The following RIMS3 variants were observed in gnomAD, a reference collection of about 807,000 sequenced individuals.
The protein encoded by RIMS3 is regulating synaptic membrane exocytosis protein 3.
RIMS3 carries 15 observed loss-of-function variants against 29.2 expected under a neutral mutation model. The observed-to-expected ratio is 0.51, with a 90% confidence interval of 0.34 to 0.79. The LOEUF is 0.79. Among genes scored for constraint, RIMS3 ranks in the 30% least tolerant of loss-of-function variants. The probability of loss-of-function intolerance (pLI) is 0.01; values close to 1 mark genes in which losing one functional copy is unlikely to be tolerated. For synonymous variants in RIMS3, 161 were observed against 170.1 expected (o/e 0.95, Z 0.41); for missense variants, 342 against 421.4 (o/e 0.81, Z 1.65).
chr1:40,667,058 G>C (rs1447105095), upstream of RIMS3, among the ~76,000 whole-genome samples: 2 of 152,006 alleles, frequency 1.3e-5, no homozygotes, highest in Non-Finnish European at 2.9e-5. Flanking sequence ...AAGGTGGGGA[G>C]AAAAAGGAAA....
upstream of RIMS3, among the ~76,000 whole-genome samples, chr1:40,668,501 G>A (rs1324356399): frequency 7.4e-6 from 1 of 135,178 alleles, no homozygotes; most frequent in Non-Finnish European, 1.6e-5. Context: ...CGGGGGGGGG[G>A]GGGTTGGTGG....
At position 40,652,520 on chromosome 1, in the gene RIMS3, G is replaced by A. The variant is rs530424440; in HGVS notation, c.-206-4678C>T. On this transcript the variant is annotated intron_variant, in intron 1 of 7. Transcript: ENST00000372684. The stretch of plus-strand genomic sequence containing the variant: ...TAGTTGCACCTCAAAAGATAGGTGA[G>A]GTTTTGGAGAGGAGAGGCAGAGGTG... Among the ~76,000 whole-genome samples, 91 of 152,328 alleles carry A rather than the reference G, an allele frequency of 6.0e-4. 1 individual carries two copies. The South Asian group carries it at 0.01, about 17-fold the overall frequency.
chr1:40,640,066 TC>T (rs1646545636), intron 3 of RIMS3, among the ~76,000 whole-genome samples: 1 of 152,072 alleles, frequency 6.6e-6, no homozygotes, highest in African/African-American at 2.4e-5. Flanking sequence ...TGGAAGACTG[TC>T]CCCCCAAATC....
chr1:40,637,179 G>T (rs1557670431), intron 3 of RIMS3, among the ~76,000 whole-genome samples: 1 of 152,228 alleles, frequency 6.6e-6, no homozygotes, highest in Non-Finnish European at 1.5e-5. Flanking sequence ...GGAGCAGGGA[G>T]CTGGTTACCT....
the RIMS3 span, chr1:40,691,399 G>A: frequency 4.8e-6 from 1 of 209,494 alleles, no homozygotes; most frequent in Non-Finnish European, 1.0e-5. Context: ...AAAACTCAAG[G>A]GCACGCGCAC....
chr1:40,677,731 A>G, the RIMS3 span, among the ~76,000 whole-genome samples: 1 of 152,052 alleles, frequency 6.6e-6, no homozygotes, highest in Non-Finnish European at 1.5e-5. Context: ...ATTAATTAAA[A>G]AAAAAGGATC....
intron 1 of RIMS3, among the ~76,000 whole-genome samples, chr1:40,660,576 C>T (rs565801938): frequency 2.6e-5 from 4 of 151,906 alleles, no homozygotes; most frequent in South Asian, 4.2e-4. Flanking sequence ...GATGGGGTTT[C>T]GCCATGTTGC....
At chr1:40,629,154 G>T in intron 6 of RIMS3, 117 bp downstream of exon 6, 1 of 1,110,880 alleles carries the variant, frequency 9.0e-7, no homozygotes, top group Non-Finnish European at 1.4e-6. Flanking sequence ...TTCCAGGCAA[G>T]CTGTGACTCC....
intron 5 of RIMS3, among the ~76,000 whole-genome samples, chr1:40,630,017 G>T (rs890683336): frequency 2.0e-5 from 3 of 151,228 alleles, no homozygotes; most frequent in East Asian, 3.9e-4. Flanking sequence ...GGTTGTAGTG[G>T]GCCAAGATTG....
the RIMS3 span, among the ~76,000 whole-genome samples, chr1:40,672,270 C>T: frequency 1.4e-5 from 2 of 143,954 alleles, no homozygotes; most frequent in African/African-American, 5.2e-5. Flanking sequence ...GCTATCTCGG[C>T]TCACTGCAAG....
intron 2 of RIMS3, among the ~76,000 whole-genome samples, chr1:40,645,683 C>T (rs1004653386): frequency 6.6e-6 from 1 of 152,148 alleles, no homozygotes; most frequent in African/African-American, 2.4e-5. Flanking sequence ...TTCCCTAGCA[C>T]AGCCTCTGGG....
the RIMS3 span, among the ~76,000 whole-genome samples, chr1:40,685,385 A>T: frequency 2.1e-5 from 1 of 47,992 alleles, no homozygotes; most frequent in African/African-American, 1.5e-4. Flanking sequence ...ATATATAATA[A>T]ATAAAAAAAT....
chr1:40,685,286 A>AATAT, the RIMS3 span, among the ~76,000 whole-genome samples: 2 of 78,028 alleles, frequency 2.6e-5, no homozygotes, highest in Non-Finnish European at 5.3e-5. Context: ...ATAATTTATT[A>AATAT]ATATATATAT....
At chr1:40,676,922 C>A in the RIMS3 span, among the ~76,000 whole-genome samples, 1 of 152,116 alleles carries the variant, frequency 6.6e-6, no homozygotes, top group African/African-American at 2.4e-5. Context: ...TTCTCCCATT[C>A]CCTCTACCCC....
At chr1:40,656,011 A>C (rs1570198956) in intron 1 of RIMS3, among the ~76,000 whole-genome samples, 2 of 151,954 alleles carry the variant, frequency 1.3e-5, no homozygotes, top group East Asian at 3.9e-4. Flanking sequence ...TCCGTCTCAA[A>C]AAACAAACAA....
upstream of RIMS3, among the ~76,000 whole-genome samples, chr1:40,667,823 A>G (rs1007345777): frequency 6.6e-6 from 1 of 151,878 alleles, no homozygotes; most frequent in Non-Finnish European, 1.5e-5. Context: ...AGGGAATTCA[A>G]TGTATGATAA....
In RIMS3 at chr1:40,626,596, G is replaced by C. The variant is rs924787481; in HGVS notation, c.848C>G (p.Ala283Gly). The C allele has an allele frequency of 6.2e-7, 1 of 1,614,136 alleles. No individual in the cohort carries two copies. The highest frequency in any genetic ancestry group is 8.5e-7 in the Non-Finnish European group (1 of 1,180,024). The change falls in exon 8 of 8, where the codon GCA becomes GGA. Residue 283 changes from alanine (A) to glycine (G), a missense_variant. Coordinates refer to ENST00000372684, the MANE Select transcript of RIMS3 (RefSeq NM_014747.3). ...WYKLFPTSSV[A>G]DSTLGSLTRR... ...GGTGAGGGATCCGAGTGTGGAGTCT[G>C]CCACTGAGGAGGTGGGGAAGAGTTT...
chr1:40,690,133 T>C, the RIMS3 span, among the ~76,000 whole-genome samples: 36 of 152,362 alleles, frequency 2.4e-4, no homozygotes, highest in East Asian at 6.7e-3. Flanking sequence ...TACTTAATTA[T>C]AACAATAATC....
In RIMS3 at chr1:40,623,373, A is replaced by G. The variant is rs1053905592; in HGVS notation, c.*3144T>C. Reference sequence around the variant, plus strand: ...CCATTGCAGGGAAAAGGAGTCTATGAAGAAAGTGGGACAGAATGAACAGAG... The same window carrying G: ...CCATTGCAGGGAAAAGGAGTCTATGGAGAAAGTGGGACAGAATGAACAGAG... On this transcript the variant is annotated 3_prime_UTR_variant, in exon 8 of 8. Coordinates refer to ENST00000372684, the MANE Select transcript of RIMS3 (RefSeq NM_014747.3). The G allele has an allele frequency of 2.5e-6, 1 of 398,458 alleles. No homozygotes were observed. Among genetic ancestry groups the G allele is most frequent in the African/African-American group, 2.1e-5 (1 of 48,614 alleles). The allele number at this position is 398,458 out of a possible 1,614,324, so 24.7% of individuals were successfully genotyped here.
Sources: gnomAD v4.1 joint callset for allele counts (sites outside exome capture counted in the v4.1 genomes callset) on GRCh38, gnomAD v4.1.1 for gene constraint, MANE v1.5 for transcripts, NCBI Gene and HGNC (gene_info 2026-07-23, HGNC 2026-07-21) for gene names.